The following UVSSA variants were observed in gnomAD, a reference collection of about 807,000 sequenced individuals.
UVSSA encodes UV stimulated scaffold protein A, also known as UV-stimulated scaffold protein A.
Under a neutral mutation model 73.9 loss-of-function variants are expected in UVSSA, and 72 were observed. The ratio of observed to expected loss-of-function variants is 0.97; its 90% CI spans 0.81 to 1.19. The LOEUF is 1.19. UVSSA is among the 50% of genes most tolerant of loss of function. The pLI is 0.00. For synonymous variants in UVSSA, 454 were observed against 391.3 expected (o/e 1.16, Z -1.89); for missense variants, 1,150 against 965.0 (o/e 1.19, Z -2.54).
rs576663931 is a variant in UVSSA at position 1,395,605 on chromosome 4, A to T, written c.*9644A>T. The T allele has an allele frequency of 2.8e-5, 37 of 1,317,576 alleles. No individual in the cohort carries two copies. In the East Asian group the frequency reaches 1.6e-3, roughly 58 times the overall value. The allele number at this position is 1,317,576 out of a possible 1,614,324, so 81.6% of individuals were successfully genotyped here. A position where few individuals can be genotyped will look rare whatever the true frequency, so the allele number is the denominator to read the frequency against. Reference sequence around the variant, plus strand: ...GCCCATGTGGAGTGCCCGCCTGCTCACACACGTGCCCATGTGGAGTGCCCG... The same window carrying T: ...GCCCATGTGGAGTGCCCGCCTGCTCTCACACGTGCCCATGTGGAGTGCCCG... On this transcript the variant is annotated 3_prime_UTR_variant, in exon 14 of 14. Coordinates refer to the UVSSA transcript ENST00000511216.
chr4:1,349,697 T>C lies in UVSSA; in HGVS notation c.272T>C (p.Leu91Pro), dbSNP rs1577276398. 2 of 1,613,958 alleles carry C rather than the reference T, an allele frequency of 1.2e-6. No individual in the cohort carries two copies. The highest frequency in any genetic ancestry group is 1.3e-5 in the African/African-American group (1 of 75,028). The change falls in exon 3 of 14, where the codon CTG becomes CCG. Residue 91 changes from leucine to proline, a missense_variant. Physicochemically the swap from Leu to Pro is moderately conservative, Grantham distance 98 (BLOSUM62 -3). Transcript: ENST00000389851. The part of the protein sequence containing the change: ...SNFQEFLELT[L>P]GTDPAQPLPP... The stretch of plus-strand genomic sequence containing the variant: ...TTCCAGGAGTTCCTGGAGCTCACGC[T>C]GGGCACAGACCCCGCACAGCCTCTG...
At position 1,378,988 on chromosome 4, in the gene UVSSA, G is replaced by A. The variant is rs539420392; in HGVS notation, c.1569-1059G>A. 4.6e-5 allele frequency among the ~76,000 whole-genome samples: 7 copies of A among 151,994 alleles called. No homozygotes were observed. The South Asian group carries it at 6.2e-4, about 13-fold the overall frequency. ...GTGGATGCAGAAATGAGGTCCAGGC[G>A]GCCCCAGGGCAGGGCCTACTGCTGG... On this transcript the variant is annotated intron_variant, in intron 10 of 13. Coordinates refer to ENST00000389851, the MANE Select transcript of UVSSA (RefSeq NM_020894.4).
chr4:1,352,993 C>T (rs780639953), intron 4 of UVSSA, 37 bp from the exon 5 acceptor site: 2 of 1,579,236 alleles, frequency 1.3e-6, no homozygotes, highest in Non-Finnish European at 1.7e-6. Flanking sequence ...TTTTGCTCCA[C>T]ATAGCGCAGC....
At position 1,354,794 on chromosome 4, in the gene UVSSA, A is replaced by G. The variant is rs138649386; in HGVS notation, c.994A>G (p.Thr332Ala). The G allele has an allele frequency of 5.6e-6, 9 of 1,613,264 alleles. No homozygotes were observed. The African/African-American group carries it at 9.3e-5, about 17-fold the overall frequency. ...NLALIHAARDTLKLIRNKFLP... is the reference protein window; with the variant it reads ...NLALIHAARDALKLIRNKFLP... Reference sequence around the variant, plus strand: ...TGCTCTCATCCACGCCGCCCGCGACACACTCAAGCTCATCCGGAACAAGTT... The same window carrying G: ...TGCTCTCATCCACGCCGCCCGCGACGCACTCAAGCTCATCCGGAACAAGTT... The change falls in exon 6 of 14, where the codon ACA becomes GCA. Residue 332 changes from threonine to alanine, a missense_variant. Physicochemically the swap from Thr to Ala is moderately conservative, Grantham distance 58. Coordinates refer to ENST00000389851, the MANE Select transcript of UVSSA (RefSeq NM_020894.4).
chr4:1,368,132 C>G (rs1336195629), intron 8 of UVSSA, among the ~76,000 whole-genome samples: 1 of 152,226 alleles, frequency 6.6e-6, no homozygotes, highest in Non-Finnish European at 1.5e-5. Context: ...CTGTCCTGAC[C>G]TGGCCTGCTG....
intron 8 of UVSSA, among the ~76,000 whole-genome samples, chr4:1,369,195 G>A (rs144714462): frequency 4.6e-4 from 70 of 152,372 alleles, no homozygotes; most frequent in African/African-American, 1.6e-3. Context: ...TACCCTTGGC[G>A]GCCTTGCTGG....
At chr4:1,365,986 G>A (rs1046006440) in intron 7 of UVSSA, 2 of 189,012 alleles carry the variant, frequency 1.1e-5, no homozygotes, top group East Asian at 1.4e-4. Context: ...AAGCCCCGGG[G>A]GCACCGCCGC....
chr4:1,382,659 A>C (rs1719642510), intron 12 of UVSSA, among the ~76,000 whole-genome samples: 2 of 152,204 alleles, frequency 1.3e-5, no homozygotes, highest in East Asian at 3.9e-4. Context: ...TGGGAGATAA[A>C]CTGTTTGGAC....
chr4:1,355,647 G>C (rs1715616438), intron 7 of UVSSA, among the ~76,000 whole-genome samples: 1 of 152,216 alleles, frequency 6.6e-6, no homozygotes, highest in East Asian at 1.9e-4. Flanking sequence ...CGGCCAGGAG[G>C]GTCAGCGCGG....
intron 4 of UVSSA, among the ~76,000 whole-genome samples, chr4:1,352,307 CG>C (rs1381909933): frequency 6.6e-6 from 1 of 152,232 alleles, no homozygotes; most frequent in Non-Finnish European, 1.5e-5. Context: ...GGCGGAGGCA[CG>C]GCCCTGTGTC....
chr4:1,351,644 C>T (rs2109074936), intron 3 of UVSSA, 71 bp from the exon 4 acceptor site: 1 of 1,530,730 alleles, frequency 6.5e-7, no homozygotes, highest in East Asian at 2.4e-5. Context: ...CTGCCTCAGC[C>T]TCCCAAAGTG....
intron 7 of UVSSA, among the ~76,000 whole-genome samples, chr4:1,365,924 T>C (rs1256694738): frequency 3.5e-5 from 5 of 141,776 alleles, no homozygotes; most frequent in African/African-American, 8.0e-5. Flanking sequence ...GCCCTAAGCC[T>C]CGGGGGCACC....
Position 1,380,135 on chromosome 4 carries a change from C to T in UVSSA, c.1657C>T (p.His553Tyr), listed in dbSNP as rs1370019114. 1 of 1,613,296 alleles carries T rather than the reference C, an allele frequency of 6.2e-7. No homozygotes were observed. Among genetic ancestry groups the T allele is most frequent in the Non-Finnish European group, 8.5e-7 (1 of 1,180,010 alleles). The change falls in exon 11 of 14, where the codon CAC (histidine) becomes TAC (tyrosine). Residue 553 changes from histidine to tyrosine, a missense_variant. His to Tyr is a moderately conservative substitution (Grantham distance 83, BLOSUM62 2). Coordinates refer to ENST00000389851, the MANE Select transcript of UVSSA (RefSeq NM_020894.4). ...ADISEMLRSR[H>Y]ITFAGKFEPV... ...CATCTCCGAGATGCTCCGGAGCCGC[C>T]ACATCACTTTTGCCGGGAAGTTTGA...
At chr4:1,374,553 C>T (rs912460225) in intron 8 of UVSSA, among the ~76,000 whole-genome samples, 2 of 152,208 alleles carry the variant, frequency 1.3e-5, no homozygotes, top group African/African-American at 2.4e-5. Flanking sequence ...CTGGTGGCCT[C>T]GTCCCTGTCA....
rs190424560 is a variant in UVSSA at position 1,383,656 on chromosome 4, C to T, written c.1862-110C>T. ...TGCCAGGGTACGGCCGTGGGCAAGGCGACCCAGCCCCCCTGTCAGGACGAG... is the reference window on the plus strand; with the variant it reads ...TGCCAGGGTACGGCCGTGGGCAAGGTGACCCAGCCCCCCTGTCAGGACGAG... On this transcript the variant is annotated intron_variant, in intron 12 of 13. Coordinates refer to ENST00000389851, the MANE Select transcript of UVSSA (RefSeq NM_020894.4). The T allele has an allele frequency of 3.0e-5, 41 of 1,386,458 alleles. No individual in the cohort carries two copies. In the East Asian group the frequency reaches 4.4e-4, roughly 15 times the overall value. The allele number at this position is 1,386,458 out of a possible 1,614,324, so 85.9% of individuals were successfully genotyped here.
chr4:1,347,297 CG>C lies in UVSSA; in HGVS notation c.-465del, dbSNP rs1173053423. 6.6e-6 allele frequency: 1 copy of C among 151,692 alleles called. No individual in the cohort carries two copies. The highest frequency in any genetic ancestry group is 1.5e-5 in the Non-Finnish European group (1 of 67,862). 9.4% of individuals were successfully genotyped at this position (151,692 alleles called of 1,614,324 possible). Reference sequence around the variant, plus strand: ...GGTTCGGTCCCCGGGGCTCTGCGGGCGCCGGGCAGAGACCTGCGGCCAGGGC... The same window carrying C: ...GGTTCGGTCCCCGGGGCTCTGCGGGCCCGGGCAGAGACCTGCGGCCAGGGC... On this transcript the variant is annotated 5_prime_UTR_variant, in exon 1 of 14. Coordinates refer to ENST00000389851, the MANE Select transcript of UVSSA (RefSeq NM_020894.4).
chr4:1,348,995 G>A (rs945990331), intron 2 of UVSSA, among the ~76,000 whole-genome samples: 7 of 151,092 alleles, frequency 4.6e-5, no homozygotes, highest in East Asian at 1.9e-4. Context: ...TGTGCCGGGC[G>A]GTGTGCGTTG....
downstream of UVSSA, chr4:1,388,547 G>A (rs934884132): frequency 1.3e-5 from 2 of 152,216 alleles, no homozygotes; most frequent in East Asian, 1.9e-4. Context: ...CTTGATCTTA[G>A]CGGGAAGCTT....
At chr4:1,355,344 A>G (rs1028413302) in intron 7 of UVSSA, 99 bp downstream of exon 7, 34 of 1,232,110 alleles carry the variant, frequency 2.8e-5, no homozygotes, top group Non-Finnish European at 3.6e-5. Flanking sequence ...GGCCCGGCGG[A>G]CCCCAGCCAC....
Sources: allele counts gnomAD v4.1 joint callset (sites outside exome capture counted in the v4.1 genomes callset), GRCh38; gene constraint gnomAD v4.1.1; transcripts MANE v1.5; gene names NCBI Gene and HGNC (gene_info 2026-07-23, HGNC 2026-07-21).